DOCK3: variants seen among roughly 807,000 people sequenced by gnomAD.
DOCK3 encodes dedicator of cytokinesis protein 3.
Under a neutral mutation model 265.6 loss-of-function variants are expected in DOCK3, and 60 were observed. The observed-to-expected ratio is 0.23, with a 90% CI of 0.18 to 0.28. The LOEUF is 0.28. Among genes scored for constraint, DOCK3 ranks in the 10% least tolerant of loss-of-function variants. DOCK3 has a pLI of 1.00. For synonymous variants in DOCK3, 881 were observed against 938.0 expected (o/e 0.94, Z 1.11); for missense variants, 1,981 against 2,594.3 (o/e 0.76, Z 5.14).
chr3:50,836,400 C>T (rs1393603195), intron 2 of DOCK3, among the ~76,000 whole-genome samples: 1 of 152,214 alleles, frequency 6.6e-6, no homozygotes, highest in Non-Finnish European at 1.5e-5. Flanking sequence ...AGGGCCAATA[C>T]CATGTAGAAG....
Position 51,383,808 on chromosome 3 carries a change from T to C in DOCK3, c.*2249T>C, listed in dbSNP as rs2088815482. On this transcript the variant is annotated 3_prime_UTR_variant, in exon 53 of 53. Transcript: ENST00000266037. ...GCTTATTTGTAAATACCTATTTGAA[T>C]GCTGTGTATTTGTACAGGAATTTGA... 6.5e-6 allele frequency: 1 copy of C among 152,684 alleles called. No homozygotes were observed. The highest frequency in any genetic ancestry group is 2.4e-5 in the African/African-American group (1 of 41,472). The allele number at this position is 152,684 out of a possible 1,614,324, so 9.5% of individuals were successfully genotyped here.
chr3:50,962,015 T>TATAAA (rs2076902764), intron 5 of DOCK3, among the ~76,000 whole-genome samples: 1 of 151,602 alleles, frequency 6.6e-6, no homozygotes, highest in Admixed American at 6.6e-5. Context: ...TTTTTTAATA[T>TATAAA]ATATGCTTTA....
At chr3:50,909,689 A>T (rs1475770103) in intron 4 of DOCK3, among the ~76,000 whole-genome samples, 2 of 103,096 alleles carry the variant, frequency 1.9e-5, no homozygotes, top group African/African-American at 3.8e-5. Flanking sequence ...TCTGATGATT[A>T]TGTGTCTTGG....
At chr3:50,930,897 G>A (rs1323953666) in intron 4 of DOCK3, among the ~76,000 whole-genome samples, 1 of 152,188 alleles carries the variant, frequency 6.6e-6, no homozygotes, top group Non-Finnish European at 1.5e-5. Context: ...CCCGAAGCGT[G>A]GCCCCAAGCA....
At chr3:51,086,242 C>T (rs1014563119) in intron 7 of DOCK3, among the ~76,000 whole-genome samples, 1 of 152,216 alleles carries the variant, frequency 6.6e-6, no homozygotes, top group Non-Finnish European at 1.5e-5. Context: ...AGGCACAGAT[C>T]GCTCATGCTA....
intron 32 of DOCK3, among the ~76,000 whole-genome samples, chr3:51,317,106 T>C (rs2083408499): frequency 1.3e-5 from 2 of 152,022 alleles, no homozygotes; most frequent in Admixed American, 6.5e-5. Context: ...TAAATTTAGA[T>C]CTATGATCTA....
At chr3:51,211,727 A>G (rs1576424826) in intron 13 of DOCK3, among the ~76,000 whole-genome samples, 1 of 152,312 alleles carries the variant, frequency 6.6e-6, no homozygotes, top group East Asian at 1.9e-4. Context: ...TCCATGGTAT[A>G]TATGTGCCAT....
chr3:50,851,264 A>G (rs1374608429), intron 3 of DOCK3, among the ~76,000 whole-genome samples: 3 of 151,994 alleles, frequency 2.0e-5, no homozygotes, highest in Admixed American at 2.0e-4. Context: ...ACCAGGATTT[A>G]TGCACAAGAG....
At chr3:51,228,899 G>C in intron 18 of DOCK3, 67 bp downstream of exon 18, 1 of 1,510,170 alleles carries the variant, frequency 6.6e-7, no homozygotes, top group South Asian at 1.3e-5. Context: ...CACTACTAGC[G>C]CATGTGAAGG....
chr3:50,883,196 A>G (rs2048143621), intron 3 of DOCK3, among the ~76,000 whole-genome samples: 1 of 152,142 alleles, frequency 6.6e-6, no homozygotes, highest in South Asian at 2.1e-4. Context: ...CAGCACACCA[A>G]CATGGCACAT....
intron 5 of DOCK3, among the ~76,000 whole-genome samples, chr3:51,032,264 C>A (rs1031428276): frequency 1.3e-5 from 2 of 152,048 alleles, no homozygotes; most frequent in Non-Finnish European, 2.9e-5. Flanking sequence ...CTTGATAAAA[C>A]AGAAAATTGC....
At chr3:50,776,733 C>T (rs1026232580) in intron 1 of DOCK3, among the ~76,000 whole-genome samples, 2 of 151,990 alleles carry the variant, frequency 1.3e-5, no homozygotes, top group African/African-American at 4.8e-5. Flanking sequence ...TTTTATCCAT[C>T]TTGAGTTGTT....
chr3:51,242,731 C>G (rs2078663952), intron 21 of DOCK3, among the ~76,000 whole-genome samples: 1 of 152,128 alleles, frequency 6.6e-6, no homozygotes, highest in Non-Finnish European at 1.5e-5. Flanking sequence ...CTGGCTGGCT[C>G]TGTGCCCACC....
At chr3:51,213,002 C>G (rs559775486) in intron 13 of DOCK3, among the ~76,000 whole-genome samples, 1 of 152,034 alleles carries the variant, frequency 6.6e-6, no homozygotes, top group Non-Finnish European at 1.5e-5. Context: ...TACTGACATA[C>G]TTTTCTTGCC....
At chr3:51,315,764 C>T (rs529894962) in intron 32 of DOCK3, among the ~76,000 whole-genome samples, 133 of 152,188 alleles carry the variant, frequency 8.7e-4, no homozygotes, top group African/African-American at 3.1e-3. Context: ...CAAAAACTGT[C>T]CACTGTAAGC....
chr3:50,827,899 CA>C (rs1408423030), intron 2 of DOCK3, among the ~76,000 whole-genome samples: 2 of 151,718 alleles, frequency 1.3e-5, no homozygotes, highest in African/African-American at 4.8e-5. Context: ...GTTGGTTTTA[CA>C]GTGTTTTGCT....
At chr3:50,986,073 C>G (rs2077890442) in intron 5 of DOCK3, among the ~76,000 whole-genome samples, 1 of 152,068 alleles carries the variant, frequency 6.6e-6, no homozygotes. Flanking sequence ...CTTTGAGTCA[C>G]TATTTCCAGT....
At chr3:51,211,991 A>G (rs138791750) in intron 13 of DOCK3, among the ~76,000 whole-genome samples, 1 of 152,246 alleles carries the variant, frequency 6.6e-6, no homozygotes, top group East Asian at 1.9e-4. Context: ...GGGTCACTTT[A>G]CTGAACTATT....
In DOCK3 at chr3:51,297,664, C is replaced by T. The variant is rs139858715; in HGVS notation, c.2923-12568C>T. On this transcript the variant is annotated intron_variant, in intron 27 of 52. Transcript: ENST00000266037. The stretch of plus-strand genomic sequence containing the variant: ...CTGAGAGTAGACATAACAGGCCAGG[C>T]ATGGTAGCTCATACCTGTAATCCTA... 2.6e-5 allele frequency among the ~76,000 whole-genome samples: 4 copies of T among 152,186 alleles called. No homozygotes were observed. The East Asian group carries it at 7.7e-4, about 29-fold the overall frequency.
Sources: gnomAD v4.1 joint callset for allele counts (sites outside exome capture counted in the v4.1 genomes callset) on GRCh38, gnomAD v4.1.1 for gene constraint, MANE v1.5 for transcripts, NCBI Gene and HGNC (gene_info 2026-07-23, HGNC 2026-07-21) for gene names.